The following TBC1D5 variants were observed in gnomAD, a reference collection of about 807,000 sequenced individuals.
TBC1D5 encodes the protein TBC1 domain family, member 5.
In TBC1D5, 75 loss-of-function variants were observed where a neutral mutation model predicts 100.3. The observed-to-expected ratio is 0.75, with a 90% CI of 0.62 to 0.91. The LOEUF is 0.91. Ranked by LOEUF, TBC1D5 falls within the 40% of genes least tolerant of loss-of-function variation. The probability of loss-of-function intolerance (pLI) is 0.00; values close to 1 mark genes in which losing one functional copy is unlikely to be tolerated. For synonymous variants in TBC1D5, 323 were observed against 325.6 expected, an observed-to-expected ratio of 0.99 and a Z score of 0.09; for missense variants, 910 against 942.4, an observed-to-expected ratio of 0.97 and a Z score of 0.45.
chr3:17,298,640 A>G (rs949471985), intron 14 of TBC1D5, among the ~76,000 whole-genome samples: 4 of 152,230 alleles, frequency 2.6e-5, no homozygotes, highest in African/African-American at 9.6e-5. Context: ...GTCCTTCAGT[A>G]GGTGAATTAA....
intron 13 of TBC1D5, among the ~76,000 whole-genome samples, chr3:17,369,197 CAGGTAAGAGAAGCACAT>C (rs1473940854): frequency 6.6e-6 from 1 of 151,672 alleles, no homozygotes; most frequent in African/African-American, 2.4e-5. Flanking sequence ...TATAAGTTTG[CAGGTAAGAGAAGCACAT>C]AGGCTCTAGT....
intron 2 of TBC1D5, among the ~76,000 whole-genome samples, chr3:17,547,817 T>C (rs2096433403): frequency 6.6e-6 from 1 of 152,252 alleles, no homozygotes; most frequent in Non-Finnish European, 1.5e-5. Flanking sequence ...GTATGTGCAA[T>C]GAGACATCTA....
chr3:17,451,809 G>C (rs2094934428), intron 3 of TBC1D5, among the ~76,000 whole-genome samples: 1 of 152,032 alleles, frequency 6.6e-6, no homozygotes, highest in South Asian at 2.1e-4. Flanking sequence ...TGTAATCCCT[G>C]CTCGGAGGGC....
At chr3:17,247,937 T>C (rs2076871863) in intron 16 of TBC1D5, among the ~76,000 whole-genome samples, 3 of 152,120 alleles carry the variant, frequency 2.0e-5, no homozygotes, top group Non-Finnish European at 2.9e-5. Flanking sequence ...GCTCCACTTA[T>C]AATTCTAGTT....
At position 17,642,125 on chromosome 3, in the gene TBC1D5, A is replaced by G. The variant is rs904169056; in HGVS notation, c.-100-18212T>C. On this transcript the variant is annotated intron_variant, in intron 1 of 21. Transcript: ENST00000253692. Reference sequence around the variant, plus strand: ...GGTTAATAATCTTATAACATTTAAAATTTTTTATACTTTTATTTTTCTAGT... The same window carrying G: ...GGTTAATAATCTTATAACATTTAAAGTTTTTTATACTTTTATTTTTCTAGT... Among the ~76,000 whole-genome samples, 60 of 152,080 alleles carry G rather than the reference A, an allele frequency of 3.9e-4. 1 individual carries two copies. The highest frequency in any genetic ancestry group is 3.9e-3 in the Admixed American group (60 of 15,244).
chr3:17,580,079 C>T (rs937438296), intron 2 of TBC1D5, among the ~76,000 whole-genome samples: 5 of 152,066 alleles, frequency 3.3e-5, no homozygotes, highest in Non-Finnish European at 7.4e-5. Context: ...CCATGAAGTA[C>T]TTTATCATTT....
chr3:17,310,903 C>T (rs1199427553), intron 13 of TBC1D5, among the ~76,000 whole-genome samples: 2 of 151,940 alleles, frequency 1.3e-5, no homozygotes, highest in Admixed American at 6.6e-5. Context: ...TTGGGACCAA[C>T]GATGACCTTA....
intron 9 of TBC1D5, 79 bp from the exon 10 acceptor site, chr3:17,376,692 C>A: frequency 8.3e-7 from 1 of 1,203,532 alleles, no homozygotes; most frequent in Admixed American, 2.7e-5. Flanking sequence ...CAGTTAAATA[C>A]TTCTTCAAAC....
chr3:17,563,036 A>G (rs907788453), intron 2 of TBC1D5, among the ~76,000 whole-genome samples: 1 of 152,226 alleles, frequency 6.6e-6, no homozygotes, highest in Non-Finnish European at 1.5e-5. Flanking sequence ...AGTCCTAAAC[A>G]AATCCGTAAG....
At chr3:17,634,512 G>A (rs2063743295) in intron 1 of TBC1D5, among the ~76,000 whole-genome samples, 1 of 151,828 alleles carries the variant, frequency 6.6e-6, no homozygotes, top group Admixed American at 6.6e-5. Flanking sequence ...TTATTTGTGG[G>A]ATCTAAAAAC....
intron 16 of TBC1D5, among the ~76,000 whole-genome samples, chr3:17,255,327 A>T (rs2077543349): frequency 6.6e-6 from 1 of 152,036 alleles, no homozygotes; most frequent in Non-Finnish European, 1.5e-5. Flanking sequence ...CAGCCTCCCG[A>T]GTAGCTGGGA....
At chr3:17,587,994 A>G (rs915820283) in intron 2 of TBC1D5, among the ~76,000 whole-genome samples, 4 of 152,064 alleles carry the variant, frequency 2.6e-5, no homozygotes, top group Admixed American at 6.5e-5. Flanking sequence ...TTATCATAGT[A>G]CTATGTCACT....
At chr3:17,652,857 T>C (rs1031513390) in intron 1 of TBC1D5, among the ~76,000 whole-genome samples, 2 of 152,160 alleles carry the variant, frequency 1.3e-5, no homozygotes, top group Admixed American at 6.5e-5. Context: ...TAAATGTGCA[T>C]ACATGTTCAC....
intron 13 of TBC1D5, among the ~76,000 whole-genome samples, chr3:17,341,934 T>A (rs1231822340): frequency 6.6e-6 from 1 of 152,170 alleles, no homozygotes; most frequent in African/African-American, 2.4e-5. Flanking sequence ...CAATACAGCA[T>A]TCGCTGCCTA....
In TBC1D5 at chr3:17,178,208, T is replaced by G. The variant is rs371449657; in HGVS notation, c.1852+6901A>C. Among the ~76,000 whole-genome samples, 402 of 151,798 alleles carry G rather than the reference T, an allele frequency of 2.6e-3. 1 individual carries two copies. The highest frequency in any genetic ancestry group is 3.4e-3 in the Middle Eastern group (1 of 294). On this transcript the variant is annotated intron_variant, in intron 19 of 21. Coordinates refer to ENST00000253692, the Ensembl canonical transcript of TBC1D5. ...AGCCTCCTGAGTAGCTGGGACTACATGCGCCCACCACCACGCCTGGCTAAT... is the reference window on the plus strand; with the variant it reads ...AGCCTCCTGAGTAGCTGGGACTACAGGCGCCCACCACCACGCCTGGCTAAT...
chr3:17,630,086 G>A (rs1472935311), intron 1 of TBC1D5, among the ~76,000 whole-genome samples: 11 of 152,114 alleles, frequency 7.2e-5, no homozygotes, highest in Admixed American at 5.2e-4. Flanking sequence ...TTTTTGACAC[G>A]AAATCAGTTT....
intron 1 of TBC1D5, among the ~76,000 whole-genome samples, chr3:17,695,346 A>T (rs537034435): frequency 6.6e-6 from 1 of 152,356 alleles, no homozygotes; most frequent in South Asian, 2.1e-4. Context: ...TGTATTCAGG[A>T]GACCCATCTC....
intron 1 of TBC1D5, among the ~76,000 whole-genome samples, chr3:17,730,008 G>A (rs2076428703): frequency 6.6e-6 from 1 of 152,116 alleles, no homozygotes; most frequent in African/African-American, 2.4e-5. Flanking sequence ...CTACTCAGGA[G>A]GCCGAGGCAG....
chr3:17,314,948 C>G (rs2084494692), intron 13 of TBC1D5, among the ~76,000 whole-genome samples: 1 of 152,174 alleles, frequency 6.6e-6, no homozygotes, highest in Non-Finnish European at 1.5e-5. Context: ...TTTTCTGATA[C>G]AGAAGATTTA....
Sources: allele counts gnomAD v4.1 joint callset (sites outside exome capture counted in the v4.1 genomes callset), GRCh38; gene constraint gnomAD v4.1.1; transcripts MANE v1.5; gene names NCBI Gene and HGNC (gene_info 2026-07-23, HGNC 2026-07-21).